Variants in DIP2C observed in about 807,000 individuals in gnomAD.
DIP2C encodes disco-interacting protein 2 homolog C.
DIP2C carries 33 observed loss-of-function variants against 192.4 expected under a neutral mutation model. The observed-to-expected ratio is 0.17, with a 90% CI of 0.13 to 0.23. The LOEUF (loss-of-function observed/expected upper bound fraction) is 0.23. Among genes scored for constraint, DIP2C ranks in the 10% least tolerant of loss-of-function variants. The pLI is 1.00. For synonymous variants in DIP2C, 979 were observed against 864.1 expected (o/e 1.13, Z -2.33); for missense variants, 1,537 against 2,110.1 (o/e 0.73, Z 5.32).
intron 1 of DIP2C, among the ~76,000 whole-genome samples, chr10:647,893 G>C (rs1855561203): frequency 6.6e-6 from 1 of 150,762 alleles, no homozygotes; most frequent in Non-Finnish European, 1.5e-5. Context: ...GTCGACATTG[G>C]ATGGTGGGAG....
chr10:689,168 G>C lies in DIP2C; in HGVS notation c.85+326C>G, dbSNP rs1395553749. 1.3e-5 allele frequency among the ~76,000 whole-genome samples: 2 copies of C among 151,486 alleles called. No homozygotes were observed. Among genetic ancestry groups the C allele is most frequent in the African/African-American group, 4.8e-5 (2 of 41,260 alleles). ...CACCCCCAGGGCGCGGGGGGATCGC[G>C]GCCCCACAAACATCCCAGGGCGCGG... On this transcript the variant is annotated intron_variant, in intron 1 of 36. Coordinates refer to ENST00000280886, the MANE Select transcript of DIP2C (RefSeq NM_014974.3). The surrounding 1 kb of genome is among the most constrained non-coding windows in gnomAD (Gnocchi z 6.1).
intron 13 of DIP2C, among the ~76,000 whole-genome samples, chr10:389,609 C>T (rs143419118): frequency 3.3e-4 from 51 of 152,318 alleles, no homozygotes; most frequent in Middle Eastern, 3.4e-3. Flanking sequence ...GCCCAGGCCC[C>T]GGCGTGGCTG....
intron 1 of DIP2C, among the ~76,000 whole-genome samples, chr10:487,715 C>CTA (rs1180763884): frequency 6.6e-6 from 1 of 151,558 alleles, no homozygotes; most frequent in East Asian, 1.9e-4. Context: ...GTAGCTGAGA[C>CTA]TACAGGCGCT....
At chr10:484,058 C>T (rs1011663506) in intron 2 of DIP2C, among the ~76,000 whole-genome samples, 3 of 152,190 alleles carry the variant, frequency 2.0e-5, no homozygotes, top group African/African-American at 7.2e-5. Flanking sequence ...AATCCCCTTC[C>T]TCAGCCTCCC....
chr10:495,534 A>C (rs186867927), intron 1 of DIP2C, among the ~76,000 whole-genome samples: 12 of 152,150 alleles, frequency 7.9e-5, no homozygotes, highest in African/African-American at 1.9e-4. Flanking sequence ...TTTGTGTGGA[A>C]AAAATTCTGT....
At chr10:409,531 C>T (rs945600868) in intron 8 of DIP2C, among the ~76,000 whole-genome samples, 9 of 152,206 alleles carry the variant, frequency 5.9e-5, no homozygotes, top group Non-Finnish European at 1.5e-5. Context: ...AAAACAAATC[C>T]CCTCTTAGTG....
chr10:297,197 C>T (rs1375097115), intron 32 of DIP2C, among the ~76,000 whole-genome samples: 2 of 147,426 alleles, frequency 1.4e-5, no homozygotes, highest in Non-Finnish European at 3.0e-5. Flanking sequence ...GTCTCAAAAA[C>T]AAAACAAAAC....
At chr10:582,953 G>T (rs747891967) in intron 1 of DIP2C, among the ~76,000 whole-genome samples, 2 of 152,202 alleles carry the variant, frequency 1.3e-5, no homozygotes, top group African/African-American at 2.4e-5. Context: ...TACCTCTTGG[G>T]AAAATGGGGA....
intron 2 of DIP2C, chr10:484,961 G>A: frequency 6.3e-7 from 1 of 1,592,126 alleles, no homozygotes; most frequent in East Asian, 2.2e-5. Context: ...GTAACAAGTT[G>A]AAAAAAAACT....
At chr10:522,508 T>C (rs897142000) in intron 1 of DIP2C, among the ~76,000 whole-genome samples, 1 of 152,234 alleles carries the variant, frequency 6.6e-6, no homozygotes, top group East Asian at 1.9e-4. Context: ...GCTGCCCCAC[T>C]TTTCCCAGCC....
chr10:658,424 G>C (rs1189320450), intron 1 of DIP2C, among the ~76,000 whole-genome samples: 3 of 152,210 alleles, frequency 2.0e-5, no homozygotes, highest in African/African-American at 7.2e-5. Flanking sequence ...CTACTGGACT[G>C]CTAACAAATG....
chr10:292,998 C>T (rs1955569269), intron 32 of DIP2C, among the ~76,000 whole-genome samples: 2 of 152,256 alleles, frequency 1.3e-5, no homozygotes, highest in South Asian at 4.1e-4. Context: ...AAACAAATAG[C>T]ATTCTCTACC....
chr10:552,974 G>A (rs1458060207), intron 1 of DIP2C, among the ~76,000 whole-genome samples: 2 of 152,252 alleles, frequency 1.3e-5, no homozygotes, highest in East Asian at 1.9e-4. Context: ...GATGAGGGAG[G>A]GGATCAGCCA....
intron 7 of DIP2C, among the ~76,000 whole-genome samples, chr10:414,890 G>GTGTGTGTGTGTA (rs1452383924): frequency 1.4e-4 from 5 of 36,140 alleles, no homozygotes; most frequent in Non-Finnish European, 2.7e-4. Flanking sequence ...GTGTGTGTGT[G>GTGTGTGTGTGTA]TATATATATA....
At chr10:485,028 G>C (rs998204422) in intron 2 of DIP2C, 6 of 1,469,644 alleles carry the variant, frequency 4.1e-6, no homozygotes, top group Non-Finnish European at 5.4e-6. Context: ...CAGAGCTGCC[G>C]ACCCCATGCA....
At chr10:491,701 C>CACACAGGATGT (rs1476582292) in intron 1 of DIP2C, among the ~76,000 whole-genome samples, 20 of 152,252 alleles carry the variant, frequency 1.3e-4, no homozygotes, top group Non-Finnish European at 2.6e-4. Flanking sequence ...AGAGATCAAA[C>CACACAGGATGT]ACACAGGATG....
chr10:470,583 C>G (rs1248642534), intron 3 of DIP2C, among the ~76,000 whole-genome samples: 1 of 152,204 alleles, frequency 6.6e-6, no homozygotes, highest in Non-Finnish European at 1.5e-5. Flanking sequence ...ACAACCACAA[C>G]CCGCCATGCT....
chr10:302,101 A>G (rs11815753), intron 32 of DIP2C, among the ~76,000 whole-genome samples: 28,623 of 152,090 alleles, frequency 0.19, 3,056 homozygotes, highest in African/African-American at 0.28. Flanking sequence ...AGGAAAAACT[A>G]TAAACTAATA....
At chr10:549,123 CTACAAATAGTAGCTTT>C (rs1048993157) in intron 1 of DIP2C, among the ~76,000 whole-genome samples, 1 of 152,074 alleles carries the variant, frequency 6.6e-6, no homozygotes, top group Non-Finnish European at 1.5e-5. Flanking sequence ...CAAGGAATCC[CTACAAATAGTAGCTTT>C]AAGAGTCCCC....
Sources: allele counts gnomAD v4.1 joint callset (sites outside exome capture counted in the v4.1 genomes callset), GRCh38; gene constraint gnomAD v4.1.1; non-coding constraint Gnocchi (gnomAD v3.1); transcripts MANE v1.5; gene names NCBI Gene and HGNC (gene_info 2026-07-23, HGNC 2026-07-21).